MORC1: variants seen among roughly 807,000 people sequenced by gnomAD.
MORC1 encodes MORC family CW-type zinc finger 1.
MORC1 carries 59 observed loss-of-function variants against 134.9 expected under a neutral mutation model. The ratio of observed to expected loss-of-function variants is 0.44; its 90% CI spans 0.35 to 0.54. MORC1 has a LOEUF of 0.54. Ranked by LOEUF, MORC1 falls within the 20% of genes least tolerant of loss-of-function variation. The pLI, the probability that MORC1 is intolerant of heterozygous loss-of-function variation, is 0.00. For synonymous variants in MORC1, 395 were observed against 391.7 expected (o/e 1.01, Z -0.10); for missense variants, 947 against 1,134.5 (o/e 0.83, Z 2.37).
At chr3:109,007,524 C>T (rs1453853206) in intron 17 of MORC1, among the ~76,000 whole-genome samples, 1 of 152,140 alleles carries the variant, frequency 6.6e-6, no homozygotes, top group Non-Finnish European at 1.5e-5. Flanking sequence ...AAACTGGCCT[C>T]GACTGTGTCC....
chr3:108,963,434 A>C lies in MORC1; in HGVS notation c.2779T>G (p.Leu927Val), dbSNP rs367954088. The C allele has an allele frequency of 6.2e-6, 10 of 1,611,430 alleles. No homozygotes were observed. The highest frequency in any genetic ancestry group is 4.5e-5 in the East Asian group (2 of 44,816). The change falls in exon 27 of 28, where the codon TTG becomes GTG. Residue 927 changes from leucine (L) to valine (V), a missense_variant. Around this residue, in one of 3 missense-constraint regions of MORC1, gnomAD observed 722 missense variants for 817.0 expected, o/e 0.88. Coordinates refer to ENST00000232603, the MANE Select transcript of MORC1 (RefSeq NM_014429.4). ...LKNLRIKLAL[L>V]LQKLQLGGPE... Reference sequence around the variant, plus strand: ...CTCACCAGTTGGAGTTTCTGCAACAATAGTGCCAGTTTTATACGAAGATTC... The same window carrying C: ...CTCACCAGTTGGAGTTTCTGCAACACTAGTGCCAGTTTTATACGAAGATTC...
chr3:109,057,957 T>C (rs1309127885), intron 12 of MORC1, among the ~76,000 whole-genome samples: 1 of 152,188 alleles, frequency 6.6e-6, no homozygotes, highest in Non-Finnish European at 1.5e-5. Context: ...CTTTCCAAAA[T>C]ACAAGGTAAA....
chr3:108,990,108 C>T (rs762445613), intron 21 of MORC1, among the ~76,000 whole-genome samples: 2 of 152,134 alleles, frequency 1.3e-5, no homozygotes, highest in Middle Eastern at 3.2e-3. Flanking sequence ...CCTTCCACCA[C>T]GATTGGAGGC....
At chr3:109,063,254 T>C (rs1033964122) in intron 9 of MORC1, 23 bp from the exon 10 acceptor site, 1 of 1,445,952 alleles carries the variant, frequency 6.9e-7, no homozygotes, top group Non-Finnish European at 9.7e-7. Flanking sequence ...AAAAAGAACA[T>C]AATCAAGTCA....
At chr3:109,026,524 G>A (rs1476573548) in intron 17 of MORC1, among the ~76,000 whole-genome samples, 1 of 152,112 alleles carries the variant, frequency 6.6e-6, no homozygotes, top group African/African-American at 2.4e-5. Flanking sequence ...AGTATACTGG[G>A]GTTGGCTATC....
At chr3:109,114,528 G>T in intron 1 of MORC1, 91 bp from the exon 2 acceptor site, 1 of 1,087,826 alleles carries the variant, frequency 9.2e-7, no homozygotes, top group Non-Finnish European at 1.4e-6. Context: ...ACGTTCTCCA[G>T]TTCCAGACAT....
chr3:109,048,505 A>G (rs1335436571), intron 14 of MORC1, among the ~76,000 whole-genome samples: 1 of 152,172 alleles, frequency 6.6e-6, no homozygotes, highest in Non-Finnish European at 1.5e-5. Flanking sequence ...GTTTCATTAT[A>G]ATATTCTCTT....
chr3:109,035,433 CA>C lies in MORC1; in HGVS notation c.1365del (p.Phe455LeufsTer13). The C allele has an allele frequency of 6.6e-7, 1 of 1,515,084 alleles. No individual in the cohort carries two copies. Among genetic ancestry groups the C allele is most frequent in the Non-Finnish European group, 9.0e-7 (1 of 1,111,592 alleles). The allele number at this position is 1,515,084 out of a possible 1,614,324, so 93.9% of individuals were successfully genotyped here. On this transcript the variant is annotated frameshift_variant, in exon 15 of 28. Transcript: ENST00000232603. LOFTEE classifies it high-confidence loss of function. ...NRNLTLFCNEFGYQNDIDVEK... is the reference protein window; with the variant it reads ...NRNLTLFCNEXGYQNDIDVEK... ...TCCACATCGATGTCATTCTGGTATC[CA>C]AATTCATTGCAAAACAATGTTAAAT...
rs752097197 is a variant in MORC1 at position 109,099,380 on chromosome 3, C to T, written c.401G>A (p.Cys134Tyr). The change falls in exon 6 of 28, where the codon TGT becomes TAT. Residue 134 changes from cysteine (C) to tyrosine (Y), a missense_variant. Transcript: ENST00000232603. ...TACCTCACTAAGACTTTCTTCTTCACAGAATGTCTGAGAAAAAAACACACA... is the reference window on the plus strand; with the variant it reads ...TACCTCACTAAGACTTTCTTCTTCATAGAATGTCTGAGAAAAAAACACACA... ...MTCVFFSQTF[C>Y]EEESLSEVVV... is the part of the protein sequence containing the mutation. The T allele has an allele frequency of 2.0e-5, 32 of 1,611,284 alleles. No individual in the cohort carries two copies. Among genetic ancestry groups the T allele is most frequent in the Non-Finnish European group, 2.6e-5 (31 of 1,178,924 alleles).
At chr3:108,988,158 T>A (rs1340093953) in intron 21 of MORC1, among the ~76,000 whole-genome samples, 1 of 152,100 alleles carries the variant, frequency 6.6e-6, no homozygotes, top group South Asian at 2.1e-4. Flanking sequence ...TTACGTAGCA[T>A]TCTGGAAACT....
intron 27 of MORC1, among the ~76,000 whole-genome samples, chr3:108,959,329 T>A (rs569341596): frequency 4.5e-4 from 68 of 152,364 alleles, no homozygotes; most frequent in Non-Finnish European, 4.4e-4. Context: ...TCATTTTTTT[T>A]ATTCTGTAGT....
rs1389869596 is a variant in MORC1 at position 109,005,121 on chromosome 3, C to A, written c.1962G>T (p.Gln654His). The part of the protein sequence containing the change: ...SMEEKMNSQQ[Q>H]RIPVALPENV... The stretch of plus-strand genomic sequence containing the variant: ...TTTCTGGCAGAGCTACTGGAATTCT[C>A]TGCTGTTGAGAGTTCATTTTCTCCT... Residue 654 changes from glutamine (Q) to histidine (H), a missense_variant, in exon 19 of 28, where the codon CAG becomes CAT. Physicochemically the swap from Gln to His is conservative, Grantham distance 24. Coordinates refer to ENST00000232603, the MANE Select transcript of MORC1 (RefSeq NM_014429.4). The A allele has an allele frequency of 3.7e-6, 6 of 1,613,612 alleles. No individual in the cohort carries two copies. Among genetic ancestry groups the A allele is most frequent in the Non-Finnish European group, 5.1e-6 (6 of 1,179,896 alleles).
At position 109,048,025 on chromosome 3, in the gene MORC1, C is replaced by T. The variant is rs559493320; in HGVS notation, c.1330+6703G>A. Among the ~76,000 whole-genome samples, 418 of 152,278 alleles carry T rather than the reference C, an allele frequency of 2.7e-3. 1 individual carries two copies. The highest frequency in any genetic ancestry group is 4.4e-3 in the Non-Finnish European group (298 of 68,020). Reference sequence around the variant, plus strand: ...AAGCCACATCTGAATGGGCAAGCTGCTAGTCTACCAATTTAAATAAAAATG... The same window carrying T: ...AAGCCACATCTGAATGGGCAAGCTGTTAGTCTACCAATTTAAATAAAAATG... On this transcript the variant is annotated intron_variant, in intron 14 of 27. Transcript: ENST00000232603.
rs141045043 is a variant in MORC1 at position 108,987,805 on chromosome 3, C to T, written c.2188-856G>A. Among the ~76,000 whole-genome samples the T allele has an allele frequency of 3.2e-4, 49 of 151,852 alleles. No individual in the cohort carries two copies. The East Asian group carries it at 8.9e-3, about 28-fold the overall frequency. On this transcript the variant is annotated intron_variant, in intron 21 of 27. Coordinates refer to ENST00000232603, the MANE Select transcript of MORC1 (RefSeq NM_014429.4). The stretch of plus-strand genomic sequence containing the variant: ...GAGAGAATGTGTCTGTTTATGCCTG[C>T]GGGGAAAGACACCCAGAATGCTCCC...
chr3:108,988,200 CAT>C (rs1947947908), intron 21 of MORC1, among the ~76,000 whole-genome samples: 1 of 152,096 alleles, frequency 6.6e-6, no homozygotes, highest in Non-Finnish European at 1.5e-5. Flanking sequence ...TAAATGGGCA[CAT>C]GTGTAGCCTA....
intron 2 of MORC1, among the ~76,000 whole-genome samples, chr3:109,111,726 C>CAACTATGT (rs1951172352): frequency 6.6e-6 from 1 of 152,120 alleles, no homozygotes; most frequent in Admixed American, 6.5e-5. Context: ...GCAACAACAG[C>CAACTATGT]AACTATGTAA....
intron 9 of MORC1, among the ~76,000 whole-genome samples, chr3:109,063,833 G>A (rs1476473589): frequency 6.6e-6 from 1 of 152,094 alleles, no homozygotes; most frequent in African/African-American, 2.4e-5. Flanking sequence ...GCATAGGTGA[G>A]AAAAGCTCTA....
intron 8 of MORC1, among the ~76,000 whole-genome samples, chr3:109,078,881 T>C (rs1395159520): frequency 6.6e-6 from 1 of 151,644 alleles, no homozygotes; most frequent in African/African-American, 2.4e-5. Context: ...AACTGGAAAA[T>C]ATAAATAAAA....
At chr3:109,099,878 C>T (rs1367674340) in intron 5 of MORC1, among the ~76,000 whole-genome samples, 3 of 152,072 alleles carry the variant, frequency 2.0e-5, no homozygotes, top group African/African-American at 4.8e-5. Flanking sequence ...ACAGGGGTAC[C>T]GCTTCAGGAA....
Sources: allele counts gnomAD v4.1 joint callset (sites outside exome capture counted in the v4.1 genomes callset), GRCh38; gene constraint gnomAD v4.1.1; regional missense constraint gnomAD v4.1.1; transcripts MANE v1.5; gene names NCBI Gene and HGNC (gene_info 2026-07-23, HGNC 2026-07-21).